PALM2AKAP2: variants seen among roughly 807,000 people sequenced by gnomAD.
The protein encoded by PALM2AKAP2 is PALM2 and AKAP2 fusion, also known as PALM2-AKAP2 fusion protein.
Under a neutral mutation model 71.5 loss-of-function variants are expected in PALM2AKAP2, and 37 were observed. The observed-to-expected ratio is 0.52, with a 90% CI of 0.40 to 0.68. The LOEUF is 0.68. Among genes scored for constraint, PALM2AKAP2 ranks in the 30% least tolerant of loss-of-function variants. The pLI is 0.00. For missense variants in PALM2AKAP2, 1,224 were observed against 1,191.8 expected (o/e 1.03, Z -0.40); for synonymous variants, 468 against 478.8 (o/e 0.98, Z 0.29).
At chr9:109,763,622 C>T (rs1829096491) in intron 1 of PALM2AKAP2, among the ~76,000 whole-genome samples, 1 of 152,152 alleles carries the variant, frequency 6.6e-6, no homozygotes, top group Non-Finnish European at 1.5e-5. Context: ...AAGAGAAATT[C>T]ACTCTCTCAT....
intron 1 of PALM2AKAP2, among the ~76,000 whole-genome samples, chr9:109,833,905 A>G (rs58983643): frequency 0.024 from 3,698 of 152,250 alleles, 80 homozygotes; most frequent in East Asian, 0.084. Context: ...TCCAAGGGGC[A>G]TGCTTTCTTA....
chr9:109,665,077 C>T (rs1827460129), intron 1 of PALM2AKAP2, among the ~76,000 whole-genome samples: 2 of 152,042 alleles, frequency 1.3e-5, no homozygotes, highest in Non-Finnish European at 2.9e-5. Context: ...TCTAGTTAGT[C>T]GTTCATCTAA....
At chr9:109,758,961 T>C (rs888072322) in intron 1 of PALM2AKAP2, among the ~76,000 whole-genome samples, 31 of 152,256 alleles carry the variant, frequency 2.0e-4, no homozygotes, top group Middle Eastern at 3.4e-3. Context: ...GCATCTTTTC[T>C]TGTGTTTCAA....
chr9:109,700,905 G>C (rs930506704), intron 1 of PALM2AKAP2, among the ~76,000 whole-genome samples: 1 of 152,156 alleles, frequency 6.6e-6, no homozygotes, highest in African/African-American at 2.4e-5. Flanking sequence ...TCAAACATGA[G>C]TGTAGCTGGC....
chr9:109,784,066 T>A (rs910258771), intron 1 of PALM2AKAP2, among the ~76,000 whole-genome samples: 1 of 152,254 alleles, frequency 6.6e-6, no homozygotes, highest in African/African-American at 2.4e-5. Context: ...TACACTCACA[T>A]GCTCCTTTCT....
At chr9:109,844,961 A>ATGTGTGTGTGTG (rs1554720024) in intron 1 of PALM2AKAP2, among the ~76,000 whole-genome samples, 7 of 100,396 alleles carry the variant, frequency 7.0e-5, no homozygotes, top group South Asian at 3.4e-4. Context: ...GTGTGTGTGC[A>ATGTGTGTGTGTG]TGTGCACACA....
intron 1 of PALM2AKAP2, chr9:109,867,275 T>C (rs1249804449): frequency 3.2e-5 from 16 of 494,720 alleles, no homozygotes; most frequent in Admixed American, 6.1e-5. Context: ...GTGAGGAGAA[T>C]TTCTCCCACT....
rs139661727 is a variant in PALM2AKAP2, at chr9:110,019,935, C to G, written c.582+3896C>G. Among the ~76,000 whole-genome samples the G allele has an allele frequency of 4.6e-5, 7 of 152,194 alleles. No homozygotes were observed. In the East Asian group the frequency reaches 1.2e-3, roughly 25 times the overall value. On this transcript the variant is annotated intron_variant, in intron 7 of 9. Transcript: ENST00000302798. ...AAGCCTGTTCATGAACCCCCTGAAT[C>G]TATAATAAAAAAATTAAAATTAAAT...
chr9:109,989,746 C>T (rs1351944706), intron 6 of PALM2AKAP2, among the ~76,000 whole-genome samples: 1 of 152,218 alleles, frequency 6.6e-6, no homozygotes, highest in South Asian at 2.1e-4. Flanking sequence ...CTGCCAGCTT[C>T]TCCTACTGTG....
chr9:109,885,040 A>T lies in PALM2AKAP2; in HGVS notation c.257+4359A>T, dbSNP rs1344583749. On this transcript the variant is annotated intron_variant, in intron 3 of 9. Transcript: ENST00000302798. ...CCATTTTGAATATGGCAAAGACTTC[A>T]AATAAAGCATGCAAATTTCTACTTA... is the stretch of plus-strand genomic sequence containing the variant. Among the ~76,000 whole-genome samples the T allele has an allele frequency of 3.3e-5, 5 of 152,254 alleles. No individual in the cohort carries two copies. The East Asian group carries it at 9.6e-4, about 29-fold the overall frequency.
At chr9:109,872,544 C>G (rs1293679986) in intron 2 of PALM2AKAP2, among the ~76,000 whole-genome samples, 1 of 152,206 alleles carries the variant, frequency 6.6e-6, no homozygotes, top group Non-Finnish European at 1.5e-5. Flanking sequence ...CTTTGAATTA[C>G]TTATTCATGA....
chr9:110,066,027 T>C lies in PALM2AKAP2; in HGVS notation c.156+17172T>C, dbSNP rs1588087485. The stretch of plus-strand genomic sequence containing the variant: ...AGAGGTTAATCCATCTATGAGGTCC[T>C]CCAGGCATCAAAAGAGTTCCCCAGT... On this transcript the variant is annotated intron_variant, in intron 1 of 3. Coordinates refer to ENST00000374525, the Ensembl canonical transcript of PALM2AKAP2. 3.3e-5 allele frequency among the ~76,000 whole-genome samples: 5 copies of C among 152,360 alleles called. 1 individual carries two copies. The highest frequency in any genetic ancestry group is 3.3e-4 in the Admixed American group (5 of 15,302).
At chr9:109,868,334 T>G (rs937796174) in intron 2 of PALM2AKAP2, among the ~76,000 whole-genome samples, 2 of 152,218 alleles carry the variant, frequency 1.3e-5, no homozygotes, top group African/African-American at 2.4e-5. Flanking sequence ...TTTTCACATG[T>G]TCAGAGAATA....
At chr9:109,940,690 C>T (rs961280158) in intron 6 of PALM2AKAP2, among the ~76,000 whole-genome samples, 1 of 152,064 alleles carries the variant, frequency 6.6e-6, no homozygotes, top group Non-Finnish European at 1.5e-5. Flanking sequence ...GGCAGAGGGA[C>T]AGCAGGCACA....
intron 1 of PALM2AKAP2, among the ~76,000 whole-genome samples, chr9:109,831,081 AT>A (rs1828286902): frequency 6.6e-6 from 1 of 151,406 alleles, no homozygotes; most frequent in Non-Finnish European, 1.5e-5. Context: ...TGGAGGTGAG[AT>A]TTTTAGTAGG....
At chr9:109,855,163 C>T (rs907336313) in intron 1 of PALM2AKAP2, among the ~76,000 whole-genome samples, 3 of 152,112 alleles carry the variant, frequency 2.0e-5, no homozygotes, top group South Asian at 2.1e-4. Flanking sequence ...ACCTCCGCTT[C>T]CCAGGCTTAA....
chr9:109,788,370 TAGC>T (rs1369303398), intron 1 of PALM2AKAP2, among the ~76,000 whole-genome samples: 2 of 152,218 alleles, frequency 1.3e-5, no homozygotes, highest in African/African-American at 4.8e-5. Context: ...GGACTCATAG[TAGC>T]AGCAACTGCC....
intron 6 of PALM2AKAP2, among the ~76,000 whole-genome samples, chr9:110,007,027 T>A (rs889965854): frequency 7.9e-5 from 12 of 152,186 alleles, no homozygotes; most frequent in Non-Finnish European, 1.2e-4. Flanking sequence ...CTTTGGGGGT[T>A]CAGCTTTGGT....
At chr9:109,950,810 A>G (rs2132077501) in intron 6 of PALM2AKAP2, among the ~76,000 whole-genome samples, 1 of 152,338 alleles carries the variant, frequency 6.6e-6, no homozygotes, top group South Asian at 2.1e-4. Context: ...TGAAAGAACT[A>G]TGCAATTGCC....
Sources: gnomAD v4.1 joint callset for allele counts (sites outside exome capture counted in the v4.1 genomes callset) on GRCh38, gnomAD v4.1.1 for gene constraint, MANE v1.5 for transcripts, NCBI Gene and HGNC (gene_info 2026-07-23, HGNC 2026-07-21) for gene names.